LRP1B: variants seen among roughly 807,000 people sequenced by gnomAD.
The protein encoded by LRP1B is LDL receptor related protein 1B, also known as low-density lipoprotein receptor-related protein 1B.
In LRP1B, 217 loss-of-function variants were observed where a neutral mutation model predicts 556.6. The observed-to-expected ratio is 0.39, with a 90% CI of 0.35 to 0.44. LRP1B has a LOEUF of 0.44. Among genes scored for constraint, LRP1B ranks in the 20% least tolerant of loss-of-function variants. LRP1B has a pLI of 1.00. For synonymous variants in LRP1B, 2,047 were observed against 1,865.8 expected (o/e 1.10, Z -2.50); for missense variants, 5,053 against 5,620.8 (o/e 0.90, Z 3.23).
intron 12 of LRP1B, among the ~76,000 whole-genome samples, chr2:141,016,354 A>G (rs1300073503): frequency 6.6e-6 from 1 of 152,032 alleles, no homozygotes; most frequent in Non-Finnish European, 1.5e-5. Context: ...TTAATGATCT[A>G]CTCCAGACTT....
intron 3 of LRP1B, among the ~76,000 whole-genome samples, chr2:141,459,548 G>A (rs1681775884): frequency 6.6e-6 from 1 of 152,086 alleles, no homozygotes; most frequent in Non-Finnish European, 1.5e-5. Flanking sequence ...ATCTCATCTT[G>A]AATTGTAGAT....
At chr2:140,934,196 C>T (rs185938490) in intron 20 of LRP1B, among the ~76,000 whole-genome samples, 16 of 149,664 alleles carry the variant, frequency 1.1e-4, no homozygotes, top group Admixed American at 9.3e-4. Context: ...AGTAAATAGT[C>T]AAAAAAAAAT....
rs571800776 is a variant in LRP1B at position 140,403,494 on chromosome 2, C to T, written c.10415-17485G>A. 2.3e-4 allele frequency among the ~76,000 whole-genome samples: 35 copies of T among 151,836 alleles called. No homozygotes were observed. In the South Asian group the frequency reaches 5.2e-3, roughly 23 times the overall value. ...AATACAAAATAAAGTGACAAGTATC[C>T]CCAATAGACTAGAACTAGTAGAAGA... On this transcript the variant is annotated intron_variant, in intron 66 of 90. Coordinates refer to ENST00000389484, the MANE Select transcript of LRP1B (RefSeq NM_018557.3).
At chr2:140,529,077 C>T (rs1690566550) in intron 47 of LRP1B, among the ~76,000 whole-genome samples, 1 of 151,938 alleles carries the variant, frequency 6.6e-6, no homozygotes, top group South Asian at 2.1e-4. Flanking sequence ...AGAGATACTA[C>T]ACTTTTCCCT....
chr2:140,733,363 C>T (rs948102656), intron 35 of LRP1B, among the ~76,000 whole-genome samples: 9 of 152,094 alleles, frequency 5.9e-5, no homozygotes, highest in African/African-American at 1.9e-4. Context: ...AATTGATTAT[C>T]AGACCCTAAA....
Position 141,731,514 on chromosome 2 carries a change from C to T in LRP1B, c.205+78765G>A, listed in dbSNP as rs533797435. Reference sequence around the variant, plus strand: ...TTGCCTTCATATTTTTCCGAGTCAGCGTATAAAGCCACATATTTTTTTCCT... The same window carrying T: ...TTGCCTTCATATTTTTCCGAGTCAGTGTATAAAGCCACATATTTTTTTCCT... On this transcript the variant is annotated intron_variant, in intron 2 of 90. Transcript: ENST00000389484. Among the ~76,000 whole-genome samples, 251 of 152,192 alleles carry T rather than the reference C, an allele frequency of 1.6e-3. 1 individual carries two copies. The highest frequency in any genetic ancestry group is 5.8e-3 in the African/African-American group (240 of 41,518).
At chr2:141,166,499 T>C (rs905030152) in intron 7 of LRP1B, among the ~76,000 whole-genome samples, 1 of 151,768 alleles carries the variant, frequency 6.6e-6, no homozygotes, top group African/African-American at 2.4e-5. Flanking sequence ...GGGGTATCCA[T>C]CACTTCAAGC....
At chr2:140,799,863 A>G (rs1038867438) in intron 32 of LRP1B, among the ~76,000 whole-genome samples, 1 of 152,110 alleles carries the variant, frequency 6.6e-6, no homozygotes, top group Non-Finnish European at 1.5e-5. Flanking sequence ...TGCATTTCCA[A>G]CTGAGGTACC....
chr2:140,776,684 C>T (rs1031545169), intron 32 of LRP1B, among the ~76,000 whole-genome samples: 43 of 151,812 alleles, frequency 2.8e-4, no homozygotes, highest in Non-Finnish European at 5.0e-4. Context: ...CATTGTTCTC[C>T]CACTTTTTAT....
At chr2:141,377,210 A>T (rs1331593632) in intron 3 of LRP1B, among the ~76,000 whole-genome samples, 2 of 152,278 alleles carry the variant, frequency 1.3e-5, no homozygotes, top group East Asian at 3.9e-4. Flanking sequence ...TTGTTTCCCG[A>T]TCAAATATAT....
chr2:140,780,006 T>C (rs1292103303), intron 32 of LRP1B, among the ~76,000 whole-genome samples: 1 of 147,354 alleles, frequency 6.8e-6, no homozygotes, highest in Non-Finnish European at 1.5e-5. Context: ...ATCATGAGAA[T>C]AGAAGACTCT....
At chr2:140,334,734 C>T (rs1315843454) in intron 78 of LRP1B, among the ~76,000 whole-genome samples, 175 bp from the exon 79 acceptor site, 1 of 151,986 alleles carries the variant, frequency 6.6e-6, no homozygotes, top group Non-Finnish European at 1.5e-5. Context: ...CCTGGGGAAT[C>T]AACATTTTAA....
intron 1 of LRP1B, among the ~76,000 whole-genome samples, chr2:142,032,309 T>C (rs1213168090): frequency 1.3e-5 from 2 of 151,784 alleles, no homozygotes; most frequent in Admixed American, 1.3e-4. Context: ...CCACCAATGC[T>C]CTTGATCCCA....
At chr2:141,980,977 C>A (rs988885194) in intron 1 of LRP1B, among the ~76,000 whole-genome samples, 1 of 151,892 alleles carries the variant, frequency 6.6e-6, no homozygotes, top group Non-Finnish European at 1.5e-5. Flanking sequence ...TTTATGCAGG[C>A]AAATATTCGG....
At chr2:141,596,115 C>T (rs1264228570) in intron 2 of LRP1B, among the ~76,000 whole-genome samples, 1 of 151,484 alleles carries the variant, frequency 6.6e-6, no homozygotes. Context: ...CCATGGCAAA[C>T]CTTTTGTTTA....
chr2:140,749,236 A>C (rs1448230982), intron 35 of LRP1B, among the ~76,000 whole-genome samples: 2 of 152,184 alleles, frequency 1.3e-5, no homozygotes, highest in Non-Finnish European at 2.9e-5. Flanking sequence ...GTGAAGGTCC[A>C]GGACATTAGT....
At chr2:140,648,884 G>A (rs1211752938) in intron 41 of LRP1B, among the ~76,000 whole-genome samples, 1 of 152,110 alleles carries the variant, frequency 6.6e-6, no homozygotes. Context: ...CACTCTGACT[G>A]TTGTATGAAA....
intron 2 of LRP1B, among the ~76,000 whole-genome samples, chr2:141,764,833 G>A (rs976918890): frequency 3.3e-5 from 5 of 151,928 alleles, no homozygotes; most frequent in South Asian, 2.1e-4. Flanking sequence ...TACTTATAAC[G>A]CAACAAGATC....
At chr2:141,315,749 T>C (rs905833404) in intron 3 of LRP1B, among the ~76,000 whole-genome samples, 1 of 151,972 alleles carries the variant, frequency 6.6e-6, no homozygotes, top group African/African-American at 2.4e-5. Context: ...TTCACTGGCC[T>C]GATACTTATC....
Sources: allele counts gnomAD v4.1 joint callset (sites outside exome capture counted in the v4.1 genomes callset), GRCh38; gene constraint gnomAD v4.1.1; transcripts MANE v1.5; gene names NCBI Gene and HGNC (gene_info 2026-07-23, HGNC 2026-07-21).